Variants in FSTL5 observed in about 807,000 individuals in gnomAD.
The protein encoded by FSTL5 is follistatin-related protein 5.
A neutral mutation model predicts 89.1 loss-of-function variants in FSTL5; 62 were observed. The ratio of observed to expected loss-of-function variants is 0.70; its 90% CI spans 0.57 to 0.86. FSTL5 has a LOEUF of 0.86. Among genes scored for constraint, FSTL5 ranks in the 40% least tolerant of loss-of-function variants. FSTL5 has a pLI of 0.00. For synonymous variants in FSTL5, 383 were observed against 346.2 expected (o/e 1.11, Z -1.18); for missense variants, 1,057 against 1,001.6 (o/e 1.06, Z -0.75).
chr4:162,053,740 T>C (rs557650218), intron 2 of FSTL5, among the ~76,000 whole-genome samples: 20 of 151,906 alleles, frequency 1.3e-4, no homozygotes, highest in Non-Finnish European at 2.8e-4. Context: ...GAAAAATACA[T>C]ATAACATCAA....
chr4:161,555,470 T>C (rs964014604), intron 8 of FSTL5, among the ~76,000 whole-genome samples: 2 of 151,582 alleles, frequency 1.3e-5, no homozygotes, highest in African/African-American at 4.8e-5. Context: ...TGGTTTCTTT[T>C]TGACAGATTT....
At chr4:161,865,518 T>A (rs1346224912) in intron 4 of FSTL5, among the ~76,000 whole-genome samples, 1 of 152,208 alleles carries the variant, frequency 6.6e-6, no homozygotes, top group Non-Finnish European at 1.5e-5. Flanking sequence ...AACCACAGTA[T>A]GATTTTGAAA....
rs530896970 is a variant in FSTL5, at chr4:162,002,531, A to C, written c.160+31094T>G. 1.2e-4 allele frequency among the ~76,000 whole-genome samples: 19 copies of C among 152,290 alleles called. No homozygotes were observed. The East Asian group carries it at 3.7e-3, about 29-fold the overall frequency. On this transcript the variant is annotated intron_variant, in intron 3 of 15. Transcript: ENST00000306100. ...ATCTTGTTGGCAGTCCTATTGACCAAACAACTGGCTAACAATGCAAAACTG... is the reference window on the plus strand; with the variant it reads ...ATCTTGTTGGCAGTCCTATTGACCACACAACTGGCTAACAATGCAAAACTG...
chr4:161,497,041 C>T (rs1352714241), intron 12 of FSTL5, among the ~76,000 whole-genome samples: 1 of 152,050 alleles, frequency 6.6e-6, no homozygotes, highest in East Asian at 1.9e-4. Context: ...AAATAGCTTC[C>T]ACACTCTGAA....
chr4:161,521,557 A>T (rs1578895579), intron 10 of FSTL5, among the ~76,000 whole-genome samples: 1 of 152,224 alleles, frequency 6.6e-6, no homozygotes, highest in Non-Finnish European at 1.5e-5. Flanking sequence ...CTGGTTAAAG[A>T]AAAACTGGTG....
At chr4:161,601,444 A>G (rs1354691461) in intron 7 of FSTL5, among the ~76,000 whole-genome samples, 2 of 151,920 alleles carry the variant, frequency 1.3e-5, no homozygotes, top group African/African-American at 4.8e-5. Flanking sequence ...AATTTAAAAA[A>G]CCCTTACCGA....
At chr4:161,710,070 G>A (rs1738727549) in intron 6 of FSTL5, among the ~76,000 whole-genome samples, 1 of 151,978 alleles carries the variant, frequency 6.6e-6, no homozygotes, top group Non-Finnish European at 1.5e-5. Flanking sequence ...CTGGGGTCAA[G>A]CAATCCTTTC....
intron 6 of FSTL5, among the ~76,000 whole-genome samples, chr4:161,756,569 T>A (rs1229458960): frequency 6.6e-6 from 1 of 152,138 alleles, no homozygotes; most frequent in Non-Finnish European, 1.5e-5. Flanking sequence ...TTATTTAGAT[T>A]TCTGACTTGT....
intron 4 of FSTL5, among the ~76,000 whole-genome samples, chr4:161,779,557 C>G (rs1741543804): frequency 6.6e-6 from 1 of 151,172 alleles, no homozygotes; most frequent in Admixed American, 6.6e-5. Flanking sequence ...AACTAAGGCA[C>G]AGAGATGTGA....
intron 7 of FSTL5, among the ~76,000 whole-genome samples, chr4:161,644,406 ATCCTAGCTAC>A (rs1736072132): frequency 6.6e-6 from 1 of 152,012 alleles, no homozygotes; most frequent in Non-Finnish European, 1.5e-5. Context: ...CATGCCTGTA[ATCCTAGCTAC>A]TCTGGAGGCT....
intron 3 of FSTL5, among the ~76,000 whole-genome samples, chr4:161,985,587 T>C (rs1735943008): frequency 6.6e-6 from 1 of 152,048 alleles, no homozygotes; most frequent in South Asian, 2.1e-4. Context: ...TGGAATTTAA[T>C]TTTGAATTTG....
chr4:161,418,196 T>C (rs1198462934), intron 15 of FSTL5, among the ~76,000 whole-genome samples: 1 of 152,168 alleles, frequency 6.6e-6, no homozygotes, highest in Non-Finnish European at 1.5e-5. Context: ...TGTGCCCTGC[T>C]ATGGGATGGC....
Position 161,500,090 on chromosome 4 carries a change from T to G in FSTL5, c.1384A>C (p.Ile462Leu). Reference sequence around the variant, plus strand: ...CATTCTATGGGTTGTATCACTTTGATTCCATCTTCATAAAAAACATAGAAC... The same window carrying G: ...CATTCTATGGGTTGTATCACTTTGAGTCCATCTTCATAAAAAACATAGAAC... The part of the protein sequence containing the change: ...NMFYVFYEDG[I>L]KVIQPIECEF... Residue 462 changes from isoleucine to leucine, a missense_variant, in exon 12 of 16, where the codon ATC becomes CTC. Ile to Leu is a conservative substitution (Grantham distance 5). Around this residue, in one of 3 missense-constraint regions of FSTL5, gnomAD observed 980 missense variants for 903.2 expected, o/e 1.08. Coordinates refer to ENST00000306100, the MANE Select transcript of FSTL5 (RefSeq NM_020116.5). The G allele has an allele frequency of 6.2e-7, 1 of 1,608,494 alleles. No individual in the cohort carries two copies. Among genetic ancestry groups the G allele is most frequent in the South Asian group, 1.1e-5 (1 of 90,408 alleles).
At chr4:161,504,259 T>C (rs960828092) in intron 11 of FSTL5, among the ~76,000 whole-genome samples, 1 of 151,866 alleles carries the variant, frequency 6.6e-6, no homozygotes, top group African/African-American at 2.4e-5. Flanking sequence ...GAGATACACC[T>C]CTCCCCAACC....
At chr4:161,636,460 C>G (rs201818988) in intron 7 of FSTL5, among the ~76,000 whole-genome samples, 11 of 121,066 alleles carry the variant, frequency 9.1e-5, no homozygotes, top group East Asian at 7.4e-4. Flanking sequence ...TTTTTTTTTT[C>G]TTTTTTTTTT....
At chr4:161,934,133 T>C (rs1734367065) in intron 3 of FSTL5, among the ~76,000 whole-genome samples, 1 of 152,224 alleles carries the variant, frequency 6.6e-6, no homozygotes, top group East Asian at 1.9e-4. Context: ...TAGTTACTTA[T>C]CATGTCCCAG....
At chr4:162,003,604 A>G (rs901681862) in intron 3 of FSTL5, among the ~76,000 whole-genome samples, 1 of 152,224 alleles carries the variant, frequency 6.6e-6, no homozygotes, top group Non-Finnish European at 1.5e-5. Context: ...CTCACAACGA[A>G]TGACATGATG....
intron 6 of FSTL5, among the ~76,000 whole-genome samples, chr4:161,756,232 T>C (rs535830609): frequency 2.0e-5 from 3 of 152,216 alleles, no homozygotes; most frequent in South Asian, 4.1e-4. Flanking sequence ...ATCATTGTTA[T>C]AGGATAGTTT....
chr4:161,389,933 G>A (rs948147682), intron 15 of FSTL5, among the ~76,000 whole-genome samples: 44 of 151,754 alleles, frequency 2.9e-4, no homozygotes, highest in African/African-American at 4.1e-4. Flanking sequence ...TTCTTACAAC[G>A]TTAAAAATAA....
Sources: gnomAD v4.1 joint callset for allele counts (sites outside exome capture counted in the v4.1 genomes callset) on GRCh38, gnomAD v4.1.1 for gene constraint, gnomAD v4.1.1 regional missense constraint, MANE v1.5 for transcripts, NCBI Gene and HGNC (gene_info 2026-07-23, HGNC 2026-07-21) for gene names.